Variants in SPEG observed in about 807,000 individuals in gnomAD.
The protein encoded by SPEG is striated muscle enriched protein kinase.
In SPEG, 114 loss-of-function variants were observed where a neutral mutation model predicts 300.4. That is an observed-to-expected ratio of 0.38 (90% CI 0.33 to 0.44). The LOEUF (loss-of-function observed/expected upper bound fraction) is 0.44, where lower values mean the gene tolerates loss of function less well. SPEG is among the 20% of genes least tolerant of loss of function. SPEG has a pLI of 1.00. For synonymous variants in SPEG, 1,964 were observed against 2,018.9 expected (o/e 0.97, Z 0.73); for missense variants, 4,201 against 4,586.2 (o/e 0.92, Z 2.43).
At chr2:219,461,708 G>C in intron 6 of SPEG, 174 bp from the exon 7 acceptor site, 1 of 817,314 alleles carries the variant, frequency 1.2e-6, no homozygotes, top group Non-Finnish European at 1.9e-6. Flanking sequence ...AGGTTCCAGG[G>C]GCTCAGGGAG....
Position 219,470,388 on chromosome 2 carries a change from C to T in SPEG, c.3715+1009C>T, listed in dbSNP as rs930132039. Among the ~76,000 whole-genome samples the T allele has an allele frequency of 6.6e-5, 10 of 152,188 alleles. 1 individual carries two copies. Among genetic ancestry groups the T allele is most frequent in the Non-Finnish European group, 1.5e-4 (10 of 68,038 alleles). On this transcript the variant is annotated intron_variant, in intron 13 of 40. Coordinates refer to ENST00000312358, the MANE Select transcript of SPEG (RefSeq NM_005876.5). ...CCCATCTCCAGTGATGCCACCCCGGCTCCAACCCCTGCCCACAGCCTCCCA... is the reference window on the plus strand; with the variant it reads ...CCCATCTCCAGTGATGCCACCCCGGTTCCAACCCCTGCCCACAGCCTCCCA...
At chr2:219,454,585 C>A (rs1690029647) in intron 6 of SPEG, among the ~76,000 whole-genome samples, 1 of 152,162 alleles carries the variant, frequency 6.6e-6, no homozygotes, top group African/African-American at 2.4e-5. Context: ...CCATACATAT[C>A]CCTTGGAGGG....
chr2:219,493,053 A>G lies in SPEG; in HGVS notation c.*267A>G, dbSNP rs1391087433. ...AGGCAGAGGGACAAGAGGGGAATGG[A>G]GAAGTGGAGAGGAAAAGGAATCGAG... On this transcript the variant is annotated 3_prime_UTR_variant, in exon 41 of 41. Coordinates refer to ENST00000312358, the MANE Select transcript of SPEG (RefSeq NM_005876.5). 1 of 684,692 alleles carries G rather than the reference A, an allele frequency of 1.5e-6. No individual in the cohort carries two copies. 42.4% of individuals were successfully genotyped at this position (684,692 alleles called of 1,614,324 possible). A position where few individuals can be genotyped will look rare whatever the true frequency, so the allele number is the denominator to read the frequency against.
chr2:219,439,956 G>A lies in SPEG; in HGVS notation c.388+4591G>A, dbSNP rs1954814599. Among the ~76,000 whole-genome samples, 1 of 152,224 alleles carries A rather than the reference G, an allele frequency of 6.6e-6. No homozygotes were observed. The highest frequency in any genetic ancestry group is 1.5e-5 in the Non-Finnish European group (1 of 68,042). On this transcript the variant is annotated intron_variant, in intron 1 of 40. Transcript: ENST00000312358. This position sits in a 1 kb window ranked among gnomAD's most constrained non-coding sequence, Gnocchi z 4.5. ...GTCCAGGGTCCTCTGGCTGGAACGA[G>A]TGTGGACACACATATGTGCCCTCTC...
chr2:219,462,095 C>A, intron 7 of SPEG, 38 bp downstream of exon 7: 1 of 1,523,816 alleles, frequency 6.6e-7, no homozygotes, highest in African/African-American at 1.4e-5. Context: ...CTCCTGTGTG[C>A]CCCCGTTCCT....
In SPEG at chr2:219,483,561, A is replaced by T. The variant is rs1018044653; in HGVS notation, c.6098A>T (p.His2033Leu). ...CCGCGGGAGCTGGGCCGGGGCCTGC[A>T]CAAGGCGGCGTCTGTGGAGCTGCCG... Reference protein sequence around the residue: ...AGPRELGRGLHKAASVELPQR... With the variant: ...AGPRELGRGLLKAASVELPQR... The change falls in exon 30 of 41, where the codon CAC becomes CTC. Residue 2033 changes from histidine to leucine, a missense_variant. Physicochemically the swap from His to Leu is moderately conservative, Grantham distance 99. Around this residue, in one of 4 missense-constraint regions of SPEG, gnomAD observed 1,578 missense variants for 1,506.0 expected, o/e 1.05. Coordinates refer to ENST00000312358, the MANE Select transcript of SPEG (RefSeq NM_005876.5). 1.7e-5 allele frequency: 24 copies of T among 1,447,378 alleles called. No individual in the cohort carries two copies. The highest frequency in any genetic ancestry group is 1.9e-5 in the Non-Finnish European group (21 of 1,113,018). The allele number at this position is 1,447,378 out of a possible 1,614,324, so 89.7% of individuals were successfully genotyped here. A position where few individuals can be genotyped will look rare whatever the true frequency, so the allele number is the denominator to read the frequency against.
At chr2:219,450,996 C>G (rs1689702279) in intron 4 of SPEG, 140 bp from the exon 5 acceptor site, 1 of 825,782 alleles carries the variant, frequency 1.2e-6, no homozygotes, top group Non-Finnish European at 1.8e-6. Context: ...GGCAGACCCT[C>G]TTCTCCCCAA....
chr2:219,480,209 A>G lies in SPEG; in HGVS notation c.5342+69A>G, dbSNP rs1431929253. 6.6e-7 allele frequency: 1 copy of G among 1,510,354 alleles called. No individual in the cohort carries two copies. The highest frequency in any genetic ancestry group is 1.4e-5 in the African/African-American group (1 of 72,866). The allele number at this position is 1,510,354 out of a possible 1,614,324, so 93.6% of individuals were successfully genotyped here. On this transcript the variant is annotated intron_variant, in intron 25 of 40. Coordinates refer to ENST00000312358, the MANE Select transcript of SPEG (RefSeq NM_005876.5). The surrounding 1 kb of genome is among the most constrained non-coding windows in gnomAD (Gnocchi z 5.3). Reference sequence around the variant, plus strand: ...TTGGGGCTGTGCTGGGGACGCGCTCACTGGCAGGGAGATTTACCGAGCCTG... The same window carrying G: ...TTGGGGCTGTGCTGGGGACGCGCTCGCTGGCAGGGAGATTTACCGAGCCTG...
rs368444908 is a variant in SPEG, at chr2:219,479,839, C to T, written c.5142C>T (p.His1714=). 44 of 1,613,966 alleles carry T rather than the reference C, an allele frequency of 2.7e-5. 1 individual carries two copies. The highest frequency in any genetic ancestry group is 3.2e-5 in the Non-Finnish European group (38 of 1,180,014). The part of the protein sequence containing the change: ...LEGIHYLHQS[H]VLHLDVKPEN... ...GAATACACTACCTGCACCAGAGCCA[C>T]GTGCTGCACCTCGATGTCAAGGTGA... The change falls in exon 24 of 41, where the codon CAC becomes CAT. Residue 1714 remains histidine (H), a synonymous_variant. Transcript: ENST00000312358. This position sits in a 1 kb window ranked among gnomAD's most constrained non-coding sequence, Gnocchi z 5.5.
chr2:219,484,260 CCG>C lies in SPEG; in HGVS notation c.6801_6802del (p.Pro2268AlafsTer54). 2 of 1,610,040 alleles carry C rather than the reference CCG, an allele frequency of 1.2e-6. No individual in the cohort carries two copies. Among genetic ancestry groups the C allele is most frequent in the Non-Finnish European group, 1.7e-6 (2 of 1,179,768 alleles). On this transcript the variant is annotated frameshift_variant, in exon 30 of 41. Transcript: ENST00000312358. LOFTEE classifies it high-confidence loss of function. The stretch of plus-strand genomic sequence containing the variant: ...GCCCAGGGCCCCTCGCAGGGCCCTG[CCG>C]CGCCGCCTTCAGAGCCCAAGCCCCA...
Position 219,485,414 on chromosome 2 carries a change from C to A in SPEG, c.7678C>A (p.Pro2560Thr). Reference sequence around the variant, plus strand: ...GCCGCGGAAGGACAAGGGGTTATCGCCACCAAACCTCTCTGCCAGCGTCCA... The same window carrying A: ...GCCGCGGAAGGACAAGGGGTTATCGACACCAAACCTCTCTGCCAGCGTCCA... ...SRPRKDKGLS[P>T]PNLSASVQEE... Residue 2560 changes from proline (P) to threonine (T), a missense_variant, in exon 31 of 41, where the codon CCA (proline) becomes ACA (threonine). Pro to Thr is a conservative substitution (Grantham distance 38, BLOSUM62 -1). Around this residue, in one of 4 missense-constraint regions of SPEG, gnomAD observed 1,578 missense variants for 1,506.0 expected, o/e 1.05. Coordinates refer to ENST00000312358, the MANE Select transcript of SPEG (RefSeq NM_005876.5). 1 of 1,606,994 alleles carries A rather than the reference C, an allele frequency of 6.2e-7. No homozygotes were observed. The highest frequency in any genetic ancestry group is 8.5e-7 in the Non-Finnish European group (1 of 1,176,492).
chr2:219,477,354 C>T lies in SPEG; in HGVS notation c.4638C>T (p.Ser1546=). The change falls in exon 20 of 41, where the codon AGC becomes AGT. Residue 1546 remains serine, a synonymous_variant. Transcript: ENST00000312358. This position sits in a 1 kb window ranked among gnomAD's most constrained non-coding sequence, Gnocchi z 6.4. The part of the protein sequence containing the change: ...EENECSLVVL[S]TGAQDGGVYT... The stretch of plus-strand genomic sequence containing the variant: ...ATGAGTGCTCCCTGGTGGTGCTCAG[C>T]ACGGGGGCCCAGGATGGAGGCGTCT... 6.2e-7 allele frequency: 1 copy of T among 1,613,410 alleles called. No homozygotes were observed. The highest frequency in any genetic ancestry group is 8.5e-7 in the Non-Finnish European group (1 of 1,179,766).
intron 1 of SPEG, among the ~76,000 whole-genome samples, chr2:219,437,914 G>A (rs1446501463): frequency 6.6e-6 from 1 of 152,202 alleles, no homozygotes; most frequent in Non-Finnish European, 1.5e-5. Context: ...GGGTACTCGA[G>A]GAAGCCAAGC....
At chr2:219,470,840 G>T (rs551748040) in intron 13 of SPEG, among the ~76,000 whole-genome samples, 5 of 152,318 alleles carry the variant, frequency 3.3e-5, no homozygotes, top group Non-Finnish European at 7.4e-5. Flanking sequence ...GGATAATTTT[G>T]TAGAGTTGTT....
Position 219,484,292 on chromosome 2 carries a change from G to A in SPEG, c.6829G>A (p.Ala2277Thr), listed in dbSNP as rs754545092. 1 of 1,607,028 alleles carries A rather than the reference G, an allele frequency of 6.2e-7. No homozygotes were observed. Among genetic ancestry groups the A allele is most frequent in the Non-Finnish European group, 8.5e-7 (1 of 1,179,304 alleles). ...APPSEPKPHA[A>T]VFARVASPPP... The stretch of plus-strand genomic sequence containing the variant: ...GCCTTCAGAGCCCAAGCCCCACGCT[G>A]CTGTCTTTGCCAGGGTGGCCTCCCC... Residue 2277 changes from alanine (A) to threonine (T), a missense_variant, in exon 30 of 41, where the codon GCT (alanine) becomes ACT (threonine). Physicochemically the swap from Ala to Thr is moderately conservative, Grantham distance 58 (BLOSUM62 0). This residue lies in a region of SPEG where 1,578 missense variants were observed against 1,506.0 expected (regional missense o/e 1.05). Transcript: ENST00000312358.
Position 219,467,211 on chromosome 2 carries a change from C to G in SPEG, c.2919C>G (p.Pro973=), listed in dbSNP as rs757462910. The change falls in exon 10 of 41, where the codon CCC becomes CCG. Residue 973 remains proline, a synonymous_variant. Coordinates refer to ENST00000312358, the MANE Select transcript of SPEG (RefSeq NM_005876.5). ...PESRSLAVLA[P]LQDVDVGAGE... is the part of the protein sequence containing the mutation. ...GCCGGTCCCTGGCCGTGCTGGCCCC[C>G]CTGCAGGACGTGGACGTGGGGGCCG... The G allele has an allele frequency of 8.2e-6, 13 of 1,594,078 alleles. No homozygotes were observed. Among genetic ancestry groups the G allele is most frequent in the South Asian group, 2.2e-5 (2 of 90,444 alleles).
chr2:219,479,045 G>A lies in SPEG; in HGVS notation c.5028-99G>A. On this transcript the variant is annotated intron_variant, in intron 22 of 40. Transcript: ENST00000312358. This position sits in a 1 kb window ranked among gnomAD's most constrained non-coding sequence, Gnocchi z 5.5. ...CTGGCTAGTATCAAGCATTCTGTAAGGGGAAGGAGAACCCCGTGCTGAGCT... is the reference window on the plus strand; with the variant it reads ...CTGGCTAGTATCAAGCATTCTGTAAAGGGAAGGAGAACCCCGTGCTGAGCT... 1 of 1,030,934 alleles carries A rather than the reference G, an allele frequency of 9.7e-7. No individual in the cohort carries two copies. Among genetic ancestry groups the A allele is most frequent in the East Asian group, 2.4e-5 (1 of 40,818 alleles). 63.9% of individuals were successfully genotyped at this position (1,030,934 alleles called of 1,614,324 possible).
At position 219,483,291 on chromosome 2, in the gene SPEG, T is replaced by A. The variant is rs376594714; in HGVS notation, c.5828T>A (p.Phe1943Tyr). 4.4e-6 allele frequency: 7 copies of A among 1,606,836 alleles called. No individual in the cohort carries two copies. The highest frequency in any genetic ancestry group is 5.1e-6 in the Non-Finnish European group (6 of 1,176,756). Reference sequence around the variant, plus strand: ...GTGCCCCGCCCACTGCAGCCCGAGTTCTCTGGCTCCCGGGTGTCCCTCACA... The same window carrying A: ...GTGCCCCGCCCACTGCAGCCCGAGTACTCTGGCTCCCGGGTGTCCCTCACA... ...PSVPRPLQPE[F>Y]SGSRVSLTDI... is the part of the protein sequence containing the mutation. Residue 1943 changes from phenylalanine to tyrosine, a missense_variant, in exon 30 of 41, where the codon TTC becomes TAC. Phe to Tyr is a conservative substitution (Grantham distance 22, BLOSUM62 3). Around this residue, in one of 4 missense-constraint regions of SPEG, gnomAD observed 1,578 missense variants for 1,506.0 expected, o/e 1.05. Coordinates refer to ENST00000312358, the MANE Select transcript of SPEG (RefSeq NM_005876.5).
rs1045887781 is a variant in SPEG, at chr2:219,464,602, G to A, written c.2875G>A (p.Val959Ile). The change falls in exon 9 of 41, where the codon GTC becomes ATC. Residue 959 changes from valine (V) to isoleucine (I), a missense_variant. By Grantham distance (29) the Val-to-Ile change is conservative (BLOSUM62 3). Coordinates refer to ENST00000312358, the MANE Select transcript of SPEG (RefSeq NM_005876.5). This position sits in a 1 kb window ranked among gnomAD's most constrained non-coding sequence, Gnocchi z 4.5. Reference protein sequence around the residue: ...GARQCEARLEVRAHPESRSLA... With the variant: ...GARQCEARLEIRAHPESRSLA... ...TCGGCAGTGCGAGGCCCGCTTGGAG[G>A]TCCGAGGTGAGTACCTGATTTCTCC... 3 of 1,613,920 alleles carry A rather than the reference G, an allele frequency of 1.9e-6. No homozygotes were observed. The highest frequency in any genetic ancestry group is 2.5e-6 in the Non-Finnish European group (3 of 1,179,780).
Sources: gnomAD v4.1 joint callset for allele counts (sites outside exome capture counted in the v4.1 genomes callset) on GRCh38, gnomAD v4.1.1 for gene constraint, gnomAD v4.1.1 regional missense constraint, Gnocchi (gnomAD v3.1) non-coding constraint, MANE v1.5 for transcripts, NCBI Gene and HGNC (gene_info 2026-07-23, HGNC 2026-07-21) for gene names.